The following DHX32 variants were observed in gnomAD, a reference collection of about 807,000 sequenced individuals.
DHX32 encodes DEAH-box helicase 32 (putative).
A neutral mutation model predicts 70.0 loss-of-function variants in DHX32; 51 were observed. That is an observed-to-expected ratio of 0.73 (90% CI 0.58 to 0.92). The LOEUF (loss-of-function observed/expected upper bound fraction) is 0.92. Ranked by LOEUF, DHX32 falls within the 40% of genes least tolerant of loss-of-function variation. The probability of loss-of-function intolerance (pLI) is 0.00; values close to 1 mark genes in which losing one functional copy is unlikely to be tolerated. For synonymous variants in DHX32, 310 were observed against 315.3 expected (o/e 0.98, Z 0.18); for missense variants, 762 against 891.8 (o/e 0.85, Z 1.85).
At chr10:125,865,252 TTG>T (rs1194776566) in intron 2 of DHX32, among the ~76,000 whole-genome samples, 3 of 152,212 alleles carry the variant, frequency 2.0e-5, no homozygotes, top group African/African-American at 7.2e-5. Flanking sequence ...TTTAACTAGT[TTG>T]TGAGCTCCTA....
At chr10:125,858,669 C>T (rs1206305602) in intron 3 of DHX32, among the ~76,000 whole-genome samples, 2 of 152,134 alleles carry the variant, frequency 1.3e-5, no homozygotes, top group Non-Finnish European at 2.9e-5. Context: ...GCTCAGCCTA[C>T]ATCAAATAAT....
intron 1 of DHX32, among the ~76,000 whole-genome samples, chr10:125,880,010 A>C (rs1944307850): frequency 6.6e-6 from 1 of 152,198 alleles, no homozygotes; most frequent in Non-Finnish European, 1.5e-5. Flanking sequence ...CCCCCATCTT[A>C]GACCCCAAAG....
At chr10:125,837,176 C>CT (rs1332699764) in intron 10 of DHX32, among the ~76,000 whole-genome samples, 2 of 152,192 alleles carry the variant, frequency 1.3e-5, no homozygotes, top group Non-Finnish European at 2.9e-5. Flanking sequence ...CAATCGTATG[C>CT]TTAAGAGAGC....
intron 6 of DHX32, among the ~76,000 whole-genome samples, chr10:125,851,233 A>G (rs995538043): frequency 6.6e-6 from 1 of 152,220 alleles, no homozygotes; most frequent in South Asian, 2.1e-4. Context: ...TTCCAAAACA[A>G]TGAGTCAGAA....
intron 6 of DHX32, among the ~76,000 whole-genome samples, chr10:125,848,415 T>A (rs900606819): frequency 6.6e-6 from 1 of 152,230 alleles, no homozygotes; most frequent in Non-Finnish European, 1.5e-5. Context: ...GGGCAGACAC[T>A]CTACCCTAAT....
intron 1 of DHX32, among the ~76,000 whole-genome samples, chr10:125,875,148 T>C (rs1944277053): frequency 6.6e-6 from 1 of 151,940 alleles, no homozygotes; most frequent in Non-Finnish European, 1.5e-5. Flanking sequence ...GAGCCCAGGA[T>C]GTTGAGGTTG....
chr10:125,880,564 A>G lies in DHX32; in HGVS notation c.261T>C (p.Ala87=), dbSNP rs2134073466. The part of the protein sequence containing the change: ...QNQIVIVSGD[A]KCGKSAQVPQ... ...TCACCTGAGCGCTCTTACCACATTT[A>G]GCATCTCCTGAAACAATCACGATTT... The change falls in exon 1 of 11, where the codon GCT becomes GCC. Residue 87 remains alanine (A), a synonymous_variant. Transcript: ENST00000284690. 3 of 1,609,118 alleles carry G rather than the reference A, an allele frequency of 1.9e-6. No homozygotes were observed. The highest frequency in any genetic ancestry group is 1.1e-5 in the South Asian group (1 of 90,540).
chr10:125,882,289 T>G (rs1944321756), upstream of DHX32, among the ~76,000 whole-genome samples: 1 of 152,238 alleles, frequency 6.6e-6, no homozygotes, highest in Non-Finnish European at 1.5e-5. Context: ...CATGATATTT[T>G]GTAAGTTACT....
chr10:125,836,802 C>G lies in DHX32; in HGVS notation c.2117G>C (p.Ser706Thr). The G allele has an allele frequency of 6.2e-7, 1 of 1,614,144 alleles. No individual in the cohort carries two copies. The highest frequency in any genetic ancestry group is 8.5e-7 in the Non-Finnish European group (1 of 1,180,016). The change falls in exon 11 of 11, where the codon AGT (serine) becomes ACT (threonine). Residue 706 changes from serine (S) to threonine (T), a missense_variant. Physicochemically the swap from Ser to Thr is moderately conservative, Grantham distance 58 (BLOSUM62 1). Around this residue, in one of 3 missense-constraint regions of DHX32, gnomAD observed 366 missense variants for 402.6 expected, o/e 0.91. Coordinates refer to ENST00000284690, the MANE Select transcript of DHX32 (RefSeq NM_018180.3). ...CACTACTTGCTGTAGAATGTCCTTA[C>G]TTTCACTAGGAGGCAGATTACTGAA... ...YYFSNLPPSE[S>T]KDILQQVVDH...
intron 7 of DHX32, chr10:125,841,427 G>C: frequency 6.3e-7 from 1 of 1,578,436 alleles, no homozygotes; most frequent in Non-Finnish European, 8.6e-7. Context: ...AACATTATTT[G>C]GGGAAAAACA....
chr10:125,877,048 G>T (rs1315390680), intron 1 of DHX32, among the ~76,000 whole-genome samples: 1 of 152,138 alleles, frequency 6.6e-6, no homozygotes. Context: ...TGTATGGAGG[G>T]GGCAGGGAGG....
intron 6 of DHX32, among the ~76,000 whole-genome samples, chr10:125,846,604 G>A (rs1055793288): frequency 1.3e-5 from 2 of 152,174 alleles, no homozygotes; most frequent in Non-Finnish European, 2.9e-5. Context: ...AGATGCACAC[G>A]TAAATCAAGA....
chr10:125,845,080 CAG>C (rs763327713), intron 6 of DHX32, among the ~76,000 whole-genome samples: 58 of 152,308 alleles, frequency 3.8e-4, no homozygotes, highest in Middle Eastern at 3.4e-3. Context: ...CTGCAACCAG[CAG>C]AGGAGGAGCC....
intron 6 of DHX32, chr10:125,842,800 C>A: frequency 1.1e-6 from 1 of 950,462 alleles, no homozygotes; most frequent in Non-Finnish European, 1.3e-6. Context: ...ATAAAGATAG[C>A]AAGCTGATTC....
intron 1 of DHX32, among the ~76,000 whole-genome samples, chr10:125,875,074 T>G (rs1278447226): frequency 1.3e-5 from 2 of 151,882 alleles, no homozygotes; most frequent in Admixed American, 1.3e-4. Flanking sequence ...CAAAAATTAG[T>G]TGAGTGTAGT....
rs978165554 is a variant in DHX32, at chr10:125,866,534, T to C, written c.476+456A>G. Among the ~76,000 whole-genome samples the C allele has an allele frequency of 2.0e-5, 3 of 151,666 alleles. No individual in the cohort carries two copies. Among genetic ancestry groups the C allele is most frequent in the Non-Finnish European group, 4.4e-5 (3 of 67,898 alleles). On this transcript the variant is annotated intron_variant, in intron 2 of 10. Coordinates refer to ENST00000284690, the MANE Select transcript of DHX32 (RefSeq NM_018180.3). This position sits in a 1 kb window ranked among gnomAD's most constrained non-coding sequence, Gnocchi z 4.8. Reference sequence around the variant, plus strand: ...GAGGGGCAGGGAAGCCTTCCTGGAGTAGGTGGCTGCTACACTGCATACTGA... The same window carrying C: ...GAGGGGCAGGGAAGCCTTCCTGGAGCAGGTGGCTGCTACACTGCATACTGA...
chr10:125,887,492 G>C (rs1253672538), intron 1 of DHX32, among the ~76,000 whole-genome samples: 1 of 152,162 alleles, frequency 6.6e-6, no homozygotes, highest in African/African-American at 2.4e-5. Flanking sequence ...TGGTAAAAAA[G>C]TTGTGATTAC....
intron 8 of DHX32, among the ~76,000 whole-genome samples, chr10:125,839,998 C>CT (rs1564822196): frequency 1.3e-5 from 2 of 152,238 alleles, no homozygotes; most frequent in Non-Finnish European, 2.9e-5. Context: ...CTTTGAAACA[C>CT]TAACTCCCTG....
intron 2 of DHX32, among the ~76,000 whole-genome samples, 185 bp from the exon 3 acceptor site, chr10:125,860,160 A>G (rs1442605261): frequency 1.3e-5 from 2 of 152,156 alleles, no homozygotes; most frequent in African/African-American, 4.8e-5. Context: ...ACACAGATAA[A>G]CAAGATTTAT....
Sources: allele counts gnomAD v4.1 joint callset (sites outside exome capture counted in the v4.1 genomes callset), GRCh38; gene constraint gnomAD v4.1.1; regional missense constraint gnomAD v4.1.1; non-coding constraint Gnocchi (gnomAD v3.1); transcripts MANE v1.5; gene names NCBI Gene and HGNC (gene_info 2026-07-23, HGNC 2026-07-21).